ATP2C2: variants seen among roughly 807,000 people sequenced by gnomAD.
ATP2C2 encodes ATPase secretory pathway Ca2+ transporting 2, also known as calcium-transporting ATPase type 2C member 2.
A neutral mutation model predicts 110.8 loss-of-function variants in ATP2C2; 171 were observed. The observed-to-expected ratio is 1.54, with a 90% CI of 1.36 to 1.75. The LOEUF (loss-of-function observed/expected upper bound fraction) is 1.75. ATP2C2 is among the 40% of genes most tolerant of loss of function. The pLI is 0.00. For missense variants in ATP2C2, 1,963 were observed against 1,235.0 expected (o/e 1.59, Z -8.84); for synonymous variants, 804 against 508.4 (o/e 1.58, Z -7.82).
At position 84,462,125 on chromosome 16, in the gene ATP2C2, G is replaced by C. The variant is rs370515595; in HGVS notation, c.2718G>C (p.Ala906=). The part of the protein sequence containing the change: ...QRVFQTENLG[A]LDLLFLTGLA... Reference sequence around the variant, plus strand: ...TCTTCCAGACGGAGAACCTGGGAGCGCTTGGTGAGTGGTGGGGACGGGAAC... The same window carrying C: ...TCTTCCAGACGGAGAACCTGGGAGCCCTTGGTGAGTGGTGGGGACGGGAAC... The change falls in exon 26 of 27, where the codon GCG becomes GCC. Residue 906 remains alanine, a synonymous_variant. Coordinates refer to ENST00000262429, the MANE Select transcript of ATP2C2 (RefSeq NM_014861.4). 7.4e-6 allele frequency: 12 copies of C among 1,612,708 alleles called. No individual in the cohort carries two copies. The Admixed American group carries it at 1.8e-4, about 25-fold the overall frequency.
At chr16:84,443,401 G>T (rs1213450478) in intron 15 of ATP2C2, among the ~76,000 whole-genome samples, 1 of 152,098 alleles carries the variant, frequency 6.6e-6, no homozygotes, top group African/African-American at 2.4e-5. Flanking sequence ...GCTTTCTGCT[G>T]TGTGACTTGT....
chr16:84,437,695 T>C (rs1306574201), intron 11 of ATP2C2, among the ~76,000 whole-genome samples: 1 of 152,180 alleles, frequency 6.6e-6, no homozygotes, highest in Non-Finnish European at 1.5e-5. Context: ...TTTGTATTTT[T>C]AGTAGAGATG....
chr16:84,419,538 C>G (rs535192741), intron 7 of ATP2C2, among the ~76,000 whole-genome samples: 10 of 152,200 alleles, frequency 6.6e-5, no homozygotes, highest in South Asian at 4.1e-4. Context: ...AGAACACATT[C>G]CCAAGTTGAG....
At chr16:84,460,937 A>T in intron 24 of ATP2C2, 136 bp downstream of exon 24, 9 of 1,275,108 alleles carry the variant, frequency 7.1e-6, no homozygotes, top group Non-Finnish European at 9.6e-6. Flanking sequence ...ATGTGATGCC[A>T]TCAGAGGCGT....
intron 13 of ATP2C2, among the ~76,000 whole-genome samples, chr16:84,440,147 T>G (rs1909111298): frequency 6.6e-6 from 1 of 152,214 alleles, no homozygotes; most frequent in Non-Finnish European, 1.5e-5. Context: ...CTGTTTTATT[T>G]TTTAAGCCAG....
intron 1 of ATP2C2, among the ~76,000 whole-genome samples, chr16:84,369,183 C>G (rs976620162): frequency 6.6e-6 from 1 of 152,232 alleles, no homozygotes; most frequent in Non-Finnish European, 1.5e-5. Context: ...TGAGGGACCT[C>G]CCAGCCTCAC....
intron 15 of ATP2C2, among the ~76,000 whole-genome samples, chr16:84,445,487 C>T (rs929403713): frequency 1.3e-5 from 2 of 152,174 alleles, no homozygotes; most frequent in Admixed American, 1.3e-4. Flanking sequence ...GGATTACAGG[C>T]ATGAGCCACC....
At chr16:84,460,862 T>G (rs890959591) in intron 24 of ATP2C2, 61 bp downstream of exon 24, 7 of 1,534,046 alleles carry the variant, frequency 4.6e-6, no homozygotes, top group African/African-American at 1.4e-5. Flanking sequence ...CGCTGGGGAC[T>G]GCAGTCCCTG....
At chr16:84,369,620 A>C (rs562147978) in intron 1 of ATP2C2, among the ~76,000 whole-genome samples, 1 of 152,310 alleles carries the variant, frequency 6.6e-6, no homozygotes, top group African/African-American at 2.4e-5. Flanking sequence ...CAGTGAAAGG[A>C]AACTTCAAAG....
At chr16:84,389,499 C>T (rs1034174317) in intron 1 of ATP2C2, among the ~76,000 whole-genome samples, 1 of 152,214 alleles carries the variant, frequency 6.6e-6, no homozygotes, top group Non-Finnish European at 1.5e-5. Context: ...CCATGCGGTA[C>T]TCGTGTATAC....
chr16:84,439,290 G>C lies in ATP2C2; in HGVS notation c.1111G>C (p.Gly371Arg), dbSNP rs771547390. 1 of 1,613,150 alleles carries C rather than the reference G, an allele frequency of 6.2e-7. No individual in the cohort carries two copies. The highest frequency in any genetic ancestry group is 1.1e-5 in the South Asian group (1 of 91,014). The change falls in exon 12 of 27, where the codon GGT becomes CGT. Residue 371 changes from glycine to arginine, a missense_variant and splice_region_variant. By Grantham distance (125) the Gly-to-Arg change is moderately radical (BLOSUM62 -2). Coordinates refer to ENST00000262429, the MANE Select transcript of ATP2C2 (RefSeq NM_014861.4). ...VKKLPIVETL[G>R]CCSVLCSDKT... ...GAAGTTACCCATCGTGGAGACTTTA[G>C]GTGAGGGACTCCAGCTGGTGGAATC... is the stretch of plus-strand genomic sequence containing the variant.
intron 1 of ATP2C2, among the ~76,000 whole-genome samples, chr16:84,384,785 C>T (rs2151402960): frequency 6.6e-6 from 1 of 152,320 alleles, no homozygotes; most frequent in East Asian, 1.9e-4. Flanking sequence ...CATGGTGGCT[C>T]ATGCCTGTAA....
chr16:84,453,361 A>G lies in ATP2C2; in HGVS notation c.1970A>G (p.Lys657Arg), dbSNP rs770827966. ...AGGACCAGCCCAAAGCACAAGCTCA[A>G]AATCATCAAGGTTCGCTGGGCAAGG... The part of the protein sequence containing the change: ...FFRTSPKHKL[K>R]IIKALQESGA... Residue 657 changes from lysine to arginine, a missense_variant, in exon 20 of 27, where the codon AAA (lysine) becomes AGA (arginine). Coordinates refer to ENST00000262429, the MANE Select transcript of ATP2C2 (RefSeq NM_014861.4). The G allele has an allele frequency of 6.8e-6, 11 of 1,614,004 alleles. No homozygotes were observed. Among genetic ancestry groups the G allele is most frequent in the Admixed American group, 5.0e-5 (3 of 60,000 alleles).
chr16:84,399,859 T>C (rs571228915), intron 2 of ATP2C2, among the ~76,000 whole-genome samples: 1 of 152,316 alleles, frequency 6.6e-6, no homozygotes, highest in South Asian at 2.1e-4. Flanking sequence ...CTAGGTCTTA[T>C]TTATTCTTTC....
At position 84,441,061 on chromosome 16, in the gene ATP2C2, A is replaced by G. The variant is rs1490020105; in HGVS notation, c.1311+103A>G. 7.0e-6 allele frequency: 7 copies of G among 1,005,214 alleles called. No individual in the cohort carries two copies. The Admixed American group carries it at 1.0e-4, about 15-fold the overall frequency. The allele number at this position is 1,005,214 out of a possible 1,614,324, so 62.3% of individuals were successfully genotyped here. A position where few individuals can be genotyped will look rare whatever the true frequency, so the allele number is the denominator to read the frequency against. The stretch of plus-strand genomic sequence containing the variant: ...GCCATTGAACCTACTGGTTCTTGAC[A>G]ATGACTGGCCCATCCAGGGGTGAGG... On this transcript the variant is annotated intron_variant, in intron 14 of 26. Coordinates refer to ENST00000262429, the MANE Select transcript of ATP2C2 (RefSeq NM_014861.4).
At chr16:84,453,102 C>T (rs748105849) in intron 18 of ATP2C2, 36 bp from the exon 19 acceptor site, 79 of 1,571,318 alleles carry the variant, frequency 5.0e-5, no homozygotes, top group Middle Eastern at 1.7e-4. Context: ...GGGACGCGGG[C>T]CTCAGAGCAG....
chr16:84,437,470 C>G (rs1221780330), intron 11 of ATP2C2, among the ~76,000 whole-genome samples: 2 of 152,162 alleles, frequency 1.3e-5, no homozygotes, highest in African/African-American at 4.8e-5. Context: ...GTGATCCTCC[C>G]AAAGTGCTGG....
intron 20 of ATP2C2, 62 bp downstream of exon 20, chr16:84,453,433 C>T: frequency 3.1e-6 from 5 of 1,599,552 alleles, no homozygotes; most frequent in Middle Eastern, 1.7e-4. Flanking sequence ...CACTGTGGCT[C>T]GAGGAGCTCA....
chr16:84,399,159 C>T (rs955040393), intron 2 of ATP2C2, among the ~76,000 whole-genome samples: 14 of 152,152 alleles, frequency 9.2e-5, no homozygotes, highest in African/African-American at 3.4e-4. Flanking sequence ...TGCACACGTG[C>T]GTGCACGTGC....
Sources: gnomAD v4.1 joint callset for allele counts (sites outside exome capture counted in the v4.1 genomes callset) on GRCh38, gnomAD v4.1.1 for gene constraint, MANE v1.5 for transcripts, NCBI Gene and HGNC (gene_info 2026-07-23, HGNC 2026-07-21) for gene names.